TECRL: variants seen among roughly 807,000 people sequenced by gnomAD.
TECRL encodes the protein trans-2,3-enoyl-CoA reductase-like.
Under a neutral mutation model 52.8 loss-of-function variants are expected in TECRL, and 63 were observed. The ratio of observed to expected loss-of-function variants is 1.19; its 90% CI spans 0.97 to 1.47. The LOEUF (loss-of-function observed/expected upper bound fraction) is 1.47. TECRL is among the 40% of genes most tolerant of loss of function. The pLI is 0.00. For missense variants in TECRL, 482 were observed against 429.6 expected (o/e 1.12, Z -1.08); for synonymous variants, 164 against 141.9 (o/e 1.16, Z -1.10).
chr4:64,279,638 T>C lies in TECRL; in HGVS notation c.*434A>G, dbSNP rs1196381208. On this transcript the variant is annotated 3_prime_UTR_variant, in exon 12 of 12. Transcript: ENST00000381210. Reference sequence around the variant, plus strand: ...AGATGATATCTCATTGTGGTTTTGATTTGCATTTCTGTATGAATAGTTAAT... The same window carrying C: ...AGATGATATCTCATTGTGGTTTTGACTTGCATTTCTGTATGAATAGTTAAT... 2.9e-6 allele frequency: 1 copy of C among 343,230 alleles called. No individual in the cohort carries two copies. The highest frequency in any genetic ancestry group is 2.2e-5 in the African/African-American group (1 of 44,804). The allele number at this position is 343,230 out of a possible 1,614,324, so 21.3% of individuals were successfully genotyped here. A position where few individuals can be genotyped will look rare whatever the true frequency, so the allele number is the denominator to read the frequency against.
At chr4:64,307,738 T>C (rs1384332377) in intron 6 of TECRL, among the ~76,000 whole-genome samples, 1 of 152,122 alleles carries the variant, frequency 6.6e-6, no homozygotes, top group East Asian at 1.9e-4. Flanking sequence ...ATATAAAGTG[T>C]TCTAAAAGGA....
chr4:64,302,589 A>G (rs978120339), intron 7 of TECRL, among the ~76,000 whole-genome samples: 2 of 97,272 alleles, frequency 2.1e-5, no homozygotes, highest in Non-Finnish European at 5.4e-5. Flanking sequence ...AAGTCCAGTA[A>G]CTTTTTTTTC....
intron 2 of TECRL, among the ~76,000 whole-genome samples, chr4:64,358,171 T>C (rs561913496): frequency 5.3e-5 from 8 of 151,922 alleles, no homozygotes; most frequent in African/African-American, 1.4e-4. Context: ...CAGCGATGTA[T>C]GCTAAACGTT....
intron 5 of TECRL, among the ~76,000 whole-genome samples, chr4:64,311,838 C>T (rs1430736371): frequency 6.6e-6 from 1 of 151,992 alleles, no homozygotes; most frequent in Non-Finnish European, 1.5e-5. Flanking sequence ...TTCTTTTTCC[C>T]AACCAAAGTA....
At chr4:64,343,907 C>A in intron 2 of TECRL, among the ~76,000 whole-genome samples, 1 of 151,820 alleles carries the variant, frequency 6.6e-6, no homozygotes, top group East Asian at 1.9e-4. Flanking sequence ...AACCTGCTTT[C>A]ATTTGTAATC....
At position 64,375,158 on chromosome 4, in the gene TECRL, T is replaced by C; in HGVS notation, c.286+14A>G. 7 of 1,252,800 alleles carry C rather than the reference T, an allele frequency of 5.6e-6. No individual in the cohort carries two copies. The highest frequency in any genetic ancestry group is 7.5e-6 in the Non-Finnish European group (7 of 931,742). 77.6% of individuals were successfully genotyped at this position (1,252,800 alleles called of 1,614,324 possible). On this transcript the variant is annotated intron_variant, in intron 2 of 11. Transcript: ENST00000381210. Reference sequence around the variant, plus strand: ...ACATTATGATGTAAATTCTAAATAATATATAAAACTTACATGCTTTGTGAA... The same window carrying C: ...ACATTATGATGTAAATTCTAAATAACATATAAAACTTACATGCTTTGTGAA...
chr4:64,382,074 C>G (rs1722832346), intron 1 of TECRL, among the ~76,000 whole-genome samples: 1 of 151,070 alleles, frequency 6.6e-6, no homozygotes, highest in African/African-American at 2.4e-5. Flanking sequence ...CTGGGCTTTT[C>G]TTTGTTGAGA....
intron 1 of TECRL, among the ~76,000 whole-genome samples, chr4:64,383,358 C>T (rs997892763): frequency 6.6e-6 from 1 of 151,488 alleles, no homozygotes; most frequent in African/African-American, 2.4e-5. Flanking sequence ...AGTTTCTATG[C>T]TTTTTTTTGT....
At chr4:64,312,387 C>T (rs1252253577) in intron 5 of TECRL, among the ~76,000 whole-genome samples, 1 of 152,090 alleles carries the variant, frequency 6.6e-6, no homozygotes, top group Non-Finnish European at 1.5e-5. Context: ...TTTATATAAA[C>T]TTTACATATT....
intron 2 of TECRL, among the ~76,000 whole-genome samples, chr4:64,329,227 A>C (rs1233715528): frequency 1.3e-5 from 2 of 152,008 alleles, no homozygotes; most frequent in Non-Finnish European, 1.5e-5. Flanking sequence ...TAAATTCTAT[A>C]CTATCGTTTT....
At chr4:64,322,347 T>C (rs1333906979) in intron 4 of TECRL, among the ~76,000 whole-genome samples, 1 of 151,678 alleles carries the variant, frequency 6.6e-6, no homozygotes, top group Non-Finnish European at 1.5e-5. Context: ...GCAATACTTG[T>C]CATCACCATC....
At chr4:64,306,996 G>C (rs1374439613) in intron 6 of TECRL, among the ~76,000 whole-genome samples, 1 of 152,092 alleles carries the variant, frequency 6.6e-6, no homozygotes, top group Non-Finnish European at 1.5e-5. Flanking sequence ...TCCTATGTCT[G>C]GGGGAGCCCT....
chr4:64,286,134 C>A (rs1191653119), intron 9 of TECRL, among the ~76,000 whole-genome samples: 1 of 151,762 alleles, frequency 6.6e-6, no homozygotes, highest in Non-Finnish European at 1.5e-5. Context: ...ACTAACCCCC[C>A]ACAAGGAAAA....
At chr4:64,399,707 G>C (rs1724217008) in intron 1 of TECRL, among the ~76,000 whole-genome samples, 1 of 152,190 alleles carries the variant, frequency 6.6e-6, no homozygotes, top group African/African-American at 2.4e-5. Flanking sequence ...CTGCTTCAGG[G>C]AGTGTAAGTG....
intron 2 of TECRL, among the ~76,000 whole-genome samples, chr4:64,331,636 T>G (rs1198006115): frequency 6.6e-6 from 1 of 151,994 alleles, no homozygotes; most frequent in African/African-American, 2.4e-5. Context: ...TCAAAAATAT[T>G]AGAAAAACAT....
intron 7 of TECRL, among the ~76,000 whole-genome samples, chr4:64,301,977 T>C (rs569873386): frequency 6.6e-6 from 1 of 151,348 alleles, no homozygotes; most frequent in African/African-American, 2.4e-5. Context: ...ATCTGTATAA[T>C]GTTTCACATT....
rs79134047 is a variant in TECRL, at chr4:64,342,585, T to C, written c.287-14029A>G. Among the ~76,000 whole-genome samples the C allele has an allele frequency of 8.9e-3, 1,348 of 152,206 alleles. 17 individuals are homozygous for C. The highest frequency in any genetic ancestry group is 0.031 in the African/African-American group (1,281 of 41,530). On this transcript the variant is annotated intron_variant, in intron 2 of 11. Coordinates refer to ENST00000381210, the MANE Select transcript of TECRL (RefSeq NM_001010874.5). ...CCAAAGTCTGTCCACATTCACTGTGTTTAAAATCTGAAATTATACTCTGTT... is the reference window on the plus strand; with the variant it reads ...CCAAAGTCTGTCCACATTCACTGTGCTTAAAATCTGAAATTATACTCTGTT...
intron 7 of TECRL, 21 bp from the exon 8 acceptor site, chr4:64,300,038 A>G (rs971380679): frequency 3.2e-6 from 5 of 1,560,478 alleles, no homozygotes; most frequent in Non-Finnish European, 4.4e-6. Flanking sequence ...GAAAAAGAAT[A>G]TGTCATGCAG....
In TECRL at chr4:64,305,234, C is replaced by G; in HGVS notation, c.662G>C (p.Cys221Ser). 1.2e-6 allele frequency: 2 copies of G among 1,612,226 alleles called. No individual in the cohort carries two copies. The highest frequency in any genetic ancestry group is 1.7e-6 in the Non-Finnish European group (2 of 1,179,022). Residue 221 changes from cysteine to serine, a missense_variant, in exon 7 of 12, where the codon TGT becomes TCT. Coordinates refer to ENST00000381210, the MANE Select transcript of TECRL (RefSeq NM_001010874.5). ...HTPLKNLIMS[C>S]AFYWGFTSWI... ...AGAAGTAAATCCCCAGTAAAAGGCA[C>G]AACTCTGCAAACAAAACAAAACAAA...
Sources: gnomAD v4.1 joint callset for allele counts (sites outside exome capture counted in the v4.1 genomes callset) on GRCh38, gnomAD v4.1.1 for gene constraint, MANE v1.5 for transcripts, NCBI Gene and HGNC (gene_info 2026-07-23, HGNC 2026-07-21) for gene names.